ZNF526: variants seen among roughly 807,000 people sequenced by gnomAD.
ZNF526 encodes the protein zinc finger protein 526.
ZNF526 carries 16 observed loss-of-function variants against 32.4 expected under a neutral mutation model. The ratio of observed to expected loss-of-function variants is 0.49; its 90% CI spans 0.33 to 0.75. The LOEUF (loss-of-function observed/expected upper bound fraction) is 0.75. ZNF526 is among the 30% of genes least tolerant of loss of function. The pLI, the probability that ZNF526 is intolerant of heterozygous loss-of-function variation, is 0.02. For synonymous variants in ZNF526, 355 were observed against 363.4 expected (o/e 0.98, Z 0.26); for missense variants, 838 against 920.7 (o/e 0.91, Z 1.16).
In ZNF526 at chr19:42,226,447, G is replaced by T; in HGVS notation, c.*31G>T. On this transcript the variant is annotated 3_prime_UTR_variant, in exon 3 of 3. Coordinates refer to ENST00000301215, the MANE Select transcript of ZNF526 (RefSeq NM_133444.3). Reference sequence around the variant, plus strand: ...CTGAAAAGCAACAACAAAAGGGTTTGGTTGCAACAGCCAGTGTGGGTACCT... The same window carrying T: ...CTGAAAAGCAACAACAAAAGGGTTTTGTTGCAACAGCCAGTGTGGGTACCT... 1 of 1,613,932 alleles carries T rather than the reference G, an allele frequency of 6.2e-7. No individual in the cohort carries two copies. Among genetic ancestry groups the T allele is most frequent in the Non-Finnish European group, 8.5e-7 (1 of 1,179,986 alleles).
At chr19:42,222,831 G>A (rs1179425906) in intron 1 of ZNF526, among the ~76,000 whole-genome samples, 1 of 152,212 alleles carries the variant, frequency 6.6e-6, no homozygotes, top group Non-Finnish European at 1.5e-5. Flanking sequence ...AAGGTGCTGG[G>A]TAGGAGTTTG....
rs1599803248 is a variant in ZNF526 at position 42,224,716 on chromosome 19, G to A, written c.313G>A (p.Glu105Lys). 6.2e-7 allele frequency: 1 copy of A among 1,614,154 alleles called. No homozygotes were observed. Among genetic ancestry groups the A allele is most frequent in the Non-Finnish European group, 8.5e-7 (1 of 1,180,034 alleles). Residue 105 changes from glutamate to lysine, a missense_variant, in exon 3 of 3, where the codon GAG becomes AAG. By Grantham distance (56) the Glu-to-Lys change is moderately conservative. Transcript: ENST00000301215. ...GGAGCCGGAGCTGGTGCCGGGTGCT[G>A]AGGGGCCCTTCCAGTGTGGTGAATG... Reference protein sequence around the residue: ...GLEPELVPGAEGPFQCGECSQ... With the variant: ...GLEPELVPGAKGPFQCGECSQ...
In ZNF526 at chr19:42,224,748, G is replaced by A. The variant is rs753571338; in HGVS notation, c.345G>A (p.Gln115=). 5.6e-6 allele frequency: 9 copies of A among 1,614,112 alleles called. No individual in the cohort carries two copies. Among genetic ancestry groups the A allele is most frequent in the Non-Finnish European group, 7.6e-6 (9 of 1,180,036 alleles). ...EGPFQCGECS[Q]LILSPGELLA... is the part of the protein sequence containing the mutation. ...CCTTCCAGTGTGGTGAATGCAGCCA[G>A]CTCATCCTCTCCCCTGGGGAGCTCC... Residue 115 remains glutamine (Q), a synonymous_variant, in exon 3 of 3, where the codon CAG becomes CAA. Coordinates refer to ENST00000301215, the MANE Select transcript of ZNF526 (RefSeq NM_133444.3).
intron 1 of ZNF526, among the ~76,000 whole-genome samples, chr19:42,221,215 G>A (rs1568460947): frequency 1.3e-5 from 2 of 152,204 alleles, no homozygotes; most frequent in South Asian, 2.1e-4. Flanking sequence ...CTCAGGGTCG[G>A]CCAGGCAGTG....
Position 42,224,459 on chromosome 19 carries a change from C to A in ZNF526, c.56C>A (p.Ala19Glu). 1 of 1,614,166 alleles carries A rather than the reference C, an allele frequency of 6.2e-7. No individual in the cohort carries two copies. Among genetic ancestry groups the A allele is most frequent in the Non-Finnish European group, 8.5e-7 (1 of 1,180,030 alleles). Reference protein sequence around the residue: ...AEMPTQMSPGAVEMSTPMSAE... With the variant: ...AEMPTQMSPGEVEMSTPMSAE... ...ATGCCAACACAGATGTCACCAGGGGCAGTGGAGATGTCAACACCTATGTCG... is the reference window on the plus strand; with the variant it reads ...ATGCCAACACAGATGTCACCAGGGGAAGTGGAGATGTCAACACCTATGTCG... The change falls in exon 3 of 3, where the codon GCA (alanine) becomes GAA (glutamate). Residue 19 changes from alanine (A) to glutamate (E), a missense_variant. Physicochemically the swap from Ala to Glu is moderately radical, Grantham distance 107. Coordinates refer to ENST00000301215, the MANE Select transcript of ZNF526 (RefSeq NM_133444.3).
rs904672368 is a variant in ZNF526 at position 42,224,456 on chromosome 19, G to C, written c.53G>C (p.Gly18Ala). 6.2e-7 allele frequency: 1 copy of C among 1,614,180 alleles called. No individual in the cohort carries two copies. The highest frequency in any genetic ancestry group is 8.5e-7 in the Non-Finnish European group (1 of 1,180,042). ...GAGATGCCAACACAGATGTCACCAG[G>C]GGCAGTGGAGATGTCAACACCTATG... ...VAEMPTQMSP[G>A]AVEMSTPMSA... is the part of the protein sequence containing the mutation. The change falls in exon 3 of 3, where the codon GGG becomes GCG. Residue 18 changes from glycine to alanine, a missense_variant. Transcript: ENST00000301215.
At position 42,226,131 on chromosome 19, in the gene ZNF526, G is replaced by C; in HGVS notation, c.1728G>C (p.Gly576=). Reference sequence around the variant, plus strand: ...ACAACAAGAGTCCCTACTACTGCGGGACTTGTGGCCGCTGGTTCCGCGCCA... The same window carrying C: ...ACAACAAGAGTCCCTACTACTGCGGCACTTGTGGCCGCTGGTTCCGCGCCA... The part of the protein sequence containing the change: ...GLYNKSPYYC[G]TCGRWFRAMA... The change falls in exon 3 of 3, where the codon GGG becomes GGC. Residue 576 remains glycine (G), a synonymous_variant. Coordinates refer to ENST00000301215, the MANE Select transcript of ZNF526 (RefSeq NM_133444.3). 1 of 1,606,410 alleles carries C rather than the reference G, an allele frequency of 6.2e-7. No homozygotes were observed. Among genetic ancestry groups the C allele is most frequent in the Non-Finnish European group, 8.5e-7 (1 of 1,180,008 alleles).
chr19:42,226,010 G>A lies in ZNF526; in HGVS notation c.1607G>A (p.Arg536His), dbSNP rs200943083. The A allele has an allele frequency of 1.2e-6, 2 of 1,613,496 alleles. No individual in the cohort carries two copies. Among genetic ancestry groups the A allele is most frequent in the East Asian group, 4.5e-5 (2 of 44,888 alleles). ...RPYQCLDCGK[R>H]FTQSSNLQQH... ...TACCAATGCCTGGACTGTGGCAAGC[G>A]CTTCACACAGAGCTCCAACCTGCAG... is the stretch of plus-strand genomic sequence containing the variant. The change falls in exon 3 of 3, where the codon CGC (arginine) becomes CAC (histidine). Residue 536 changes from arginine to histidine, a missense_variant. By Grantham distance (29) the Arg-to-His change is conservative. Coordinates refer to ENST00000301215, the MANE Select transcript of ZNF526 (RefSeq NM_133444.3).
At position 42,224,709 on chromosome 19, in the gene ZNF526, G is replaced by A. The variant is rs943397566; in HGVS notation, c.306G>A (p.Pro102=). Residue 102 remains proline (P), a synonymous_variant, in exon 3 of 3, where the codon CCG becomes CCA. Coordinates refer to ENST00000301215, the MANE Select transcript of ZNF526 (RefSeq NM_133444.3). ...QNVGLEPELV[P]GAEGPFQCGE... ...TTGGCCTGGAGCCGGAGCTGGTGCC[G>A]GGTGCTGAGGGGCCCTTCCAGTGTG... 20 of 1,614,020 alleles carry A rather than the reference G, an allele frequency of 1.2e-5. No individual in the cohort carries two copies. Among genetic ancestry groups the A allele is most frequent in the African/African-American group, 4.0e-5 (3 of 74,924 alleles).
At chr19:42,222,785 C>T (rs900803851) in intron 1 of ZNF526, among the ~76,000 whole-genome samples, 1 of 152,058 alleles carries the variant, frequency 6.6e-6, no homozygotes, top group Non-Finnish European at 1.5e-5. Context: ...CCATAGGAAC[C>T]CTGAGGATGT....
At position 42,225,974 on chromosome 19, in the gene ZNF526, G is replaced by T; in HGVS notation, c.1571G>T (p.Gly524Val). The T allele has an allele frequency of 6.2e-7, 1 of 1,614,046 alleles. No homozygotes were observed. The highest frequency in any genetic ancestry group is 8.5e-7 in the Non-Finnish European group (1 of 1,180,044). ...AGCCGCCACCAGCTGACCCATACGG[G>T]TGCACGTCCCTACCAATGCCTGGAC... ...NLSRHQLTHT[G>V]ARPYQCLDCG... Residue 524 changes from glycine (G) to valine (V), a missense_variant, in exon 3 of 3, where the codon GGT becomes GTT. By Grantham distance (109) the Gly-to-Val change is moderately radical. Transcript: ENST00000301215.
chr19:42,222,715 G>A (rs1049213965), intron 1 of ZNF526, among the ~76,000 whole-genome samples: 2 of 152,178 alleles, frequency 1.3e-5, no homozygotes, highest in African/African-American at 4.8e-5. Flanking sequence ...GTCCAGTGAG[G>A]AACAGTGAGA....
Position 42,225,414 on chromosome 19 carries a change from C to T in ZNF526, c.1011C>T (p.Cys337=). 6.2e-7 allele frequency: 1 copy of T among 1,614,100 alleles called. No individual in the cohort carries two copies. The highest frequency in any genetic ancestry group is 8.5e-7 in the Non-Finnish European group (1 of 1,180,046). ...GTGGCACACATGAGTGTACAACCTG[C>T]TCCAAGGTCTTCAAGAAAGCAGCAT... ...HVGGTHECTT[C]SKVFKKAASL... The change falls in exon 3 of 3, where the codon TGC becomes TGT. Residue 337 remains cysteine (C), a synonymous_variant. Coordinates refer to ENST00000301215, the MANE Select transcript of ZNF526 (RefSeq NM_133444.3).
Position 42,226,553 on chromosome 19 carries a change from C to A in ZNF526, c.*137C>A, listed in dbSNP as rs927246137. On this transcript the variant is annotated 3_prime_UTR_variant, in exon 3 of 3. Transcript: ENST00000301215. ...ATCCACCCTGGCCTCTTTTTACCCA[C>A]TGACTCCCCAGAACAACCCTTCCAG... 10 of 1,165,344 alleles carry A rather than the reference C, an allele frequency of 8.6e-6. No homozygotes were observed. In the African/African-American group the frequency reaches 1.1e-4, roughly 12 times the overall value. The allele number at this position is 1,165,344 out of a possible 1,614,324, so 72.2% of individuals were successfully genotyped here. A position where few individuals can be genotyped will look rare whatever the true frequency, so the allele number is the denominator to read the frequency against.
At position 42,226,300 on chromosome 19, in the gene ZNF526, G is replaced by T; in HGVS notation, c.1897G>T (p.Ala633Ser). The change falls in exon 3 of 3, where the codon GCC becomes TCC. Residue 633 changes from alanine to serine, a missense_variant. Coordinates refer to ENST00000301215, the MANE Select transcript of ZNF526 (RefSeq NM_133444.3). ...GTGCACAGAGCTGGGGGAGACCATCGCCATCATTGAGACATCCCAGCCACT... is the reference window on the plus strand; with the variant it reads ...GTGCACAGAGCTGGGGGAGACCATCTCCATCATTGAGACATCCCAGCCACT... ...IMCTELGETI[A>S]IIETSQPLAL... 1 of 1,614,098 alleles carries T rather than the reference G, an allele frequency of 6.2e-7. No homozygotes were observed. Among genetic ancestry groups the T allele is most frequent in the Non-Finnish European group, 8.5e-7 (1 of 1,180,024 alleles).
In ZNF526 at chr19:42,226,180, C is replaced by T. The variant is rs765960978; in HGVS notation, c.1777C>T (p.Arg593Trp). Residue 593 changes from arginine to tryptophan, a missense_variant, in exon 3 of 3, where the codon CGG (arginine) becomes TGG (tryptophan). By Grantham distance (101) the Arg-to-Trp change is moderately radical. Transcript: ENST00000301215. ...CATGGCGGGCTTGCGACTGCATCAG[C>T]GGGTCCATGCCCGAGCTCGGACTTT... ...RAMAGLRLHQRVHARARTLTL... is the reference protein window; with the variant it reads ...RAMAGLRLHQWVHARARTLTL... 6.8e-6 allele frequency: 11 copies of T among 1,608,464 alleles called. No individual in the cohort carries two copies. Among genetic ancestry groups the T allele is most frequent in the Admixed American group, 1.7e-5 (1 of 60,010 alleles).
At position 42,224,307 on chromosome 19, in the gene ZNF526, T is replaced by C. The variant is rs2036150829; in HGVS notation, c.-18+2T>C. On this transcript the variant is annotated splice_donor_variant, in intron 2 of 2. Coordinates refer to ENST00000301215, the MANE Select transcript of ZNF526 (RefSeq NM_133444.3). LOFTEE classifies it low-confidence loss of function (5UTR_SPLICE). ...TTAAGACTTCCTGAGCGATAGCTGGTGAGTAGTGGGATGTGCAAGAGAATT... is the reference window on the plus strand; with the variant it reads ...TTAAGACTTCCTGAGCGATAGCTGGCGAGTAGTGGGATGTGCAAGAGAATT... The C allele has an allele frequency of 5.0e-6, 5 of 998,962 alleles. No homozygotes were observed. In the South Asian group the frequency reaches 6.5e-5, roughly 13 times the overall value. The allele number at this position is 998,962 out of a possible 1,614,324, so 61.9% of individuals were successfully genotyped here. A position where few individuals can be genotyped will look rare whatever the true frequency, so the allele number is the denominator to read the frequency against.
rs1461313005 is a variant in ZNF526 at position 42,227,046 on chromosome 19, C to T, written c.*630C>T. The T allele has an allele frequency of 5.4e-6, 1 of 186,606 alleles. No homozygotes were observed. The highest frequency in any genetic ancestry group is 1.3e-5 in the Non-Finnish European group (1 of 77,974). The allele number at this position is 186,606 out of a possible 1,614,324, so 11.6% of individuals were successfully genotyped here. A position where few individuals can be genotyped will look rare whatever the true frequency, so the allele number is the denominator to read the frequency against. The stretch of plus-strand genomic sequence containing the variant: ...GAAACGCACAAGTACAGATAGCTTG[C>T]TCTCTGAGTGTGTCTCATTGATTCA... On this transcript the variant is annotated 3_prime_UTR_variant, in exon 3 of 3. Transcript: ENST00000301215.
In ZNF526 at chr19:42,224,527, C is replaced by A; in HGVS notation, c.124C>A (p.Pro42Thr). The A allele has an allele frequency of 6.2e-7, 1 of 1,614,212 alleles. No homozygotes were observed. Among genetic ancestry groups the A allele is most frequent in the Non-Finnish European group, 8.5e-7 (1 of 1,180,030 alleles). ...GTCAACAGAAGTGACTGAGATGACA[C>A]CTGGGGAGGCCCTTGCCTCATCCCT... Reference protein sequence around the residue: ...EMSTEVTEMTPGEALASSLFF... With the variant: ...EMSTEVTEMTTGEALASSLFF... Residue 42 changes from proline (P) to threonine (T), a missense_variant, in exon 3 of 3, where the codon CCT becomes ACT. Coordinates refer to ENST00000301215, the MANE Select transcript of ZNF526 (RefSeq NM_133444.3).
Sources: allele counts gnomAD v4.1 joint callset (sites outside exome capture counted in the v4.1 genomes callset), GRCh38; gene constraint gnomAD v4.1.1; transcripts MANE v1.5; gene names NCBI Gene and HGNC (gene_info 2026-07-23, HGNC 2026-07-21).